Variants in VEGFC observed in about 807,000 individuals in gnomAD.
VEGFC encodes FLT4 ligand DHM.
A neutral mutation model predicts 46.1 loss-of-function variants in VEGFC; 12 were observed. The ratio of observed to expected loss-of-function variants is 0.26; its 90% confidence interval spans 0.17 to 0.42. The LOEUF (loss-of-function observed/expected upper bound fraction) is 0.42, where lower values mean the gene tolerates loss of function less well. Ranked by LOEUF, VEGFC falls within the 10% of genes least tolerant of loss-of-function variation. VEGFC has a pLI of 1.00. For synonymous variants in VEGFC, 232 were observed against 195.5 expected, an observed-to-expected ratio of 1.19 and a Z score of -1.56; for missense variants, 488 against 529.4, an observed-to-expected ratio of 0.92 and a Z score of 0.77.
chr4:176,779,966 T>G (rs914019592), intron 1 of VEGFC, among the ~76,000 whole-genome samples: 1 of 152,200 alleles, frequency 6.6e-6, no homozygotes, highest in Non-Finnish European at 1.5e-5. Flanking sequence ...GTTTAAGACA[T>G]CTTGGTCATA....
chr4:176,687,567 G>C, intron 5 of VEGFC, 47 bp from the exon 6 acceptor site: 1 of 1,464,428 alleles, frequency 6.8e-7, no homozygotes, highest in Non-Finnish European at 9.0e-7. Context: ...CTTGGTTCTG[G>C]GTGTGGCATG....
intron 4 of VEGFC, among the ~76,000 whole-genome samples, chr4:176,689,926 T>C (rs905824937): frequency 4.6e-5 from 7 of 152,240 alleles, no homozygotes; most frequent in African/African-American, 1.7e-4. Flanking sequence ...AGGTATCAAT[T>C]ATTTTGTAGG....
intron 1 of VEGFC, among the ~76,000 whole-genome samples, chr4:176,773,291 A>C (rs1735753090): frequency 6.6e-6 from 1 of 152,220 alleles, no homozygotes; most frequent in South Asian, 2.1e-4. Flanking sequence ...CTGGACATTG[A>C]TGATATGATG....
At chr4:176,719,826 C>A (rs543523190) in intron 3 of VEGFC, among the ~76,000 whole-genome samples, 1 of 151,972 alleles carries the variant, frequency 6.6e-6, no homozygotes, top group Non-Finnish European at 1.5e-5. Flanking sequence ...ATTGGGTGGC[C>A]GAGGCGAGTG....
At chr4:176,789,335 C>T (rs1219609046) in intron 1 of VEGFC, among the ~76,000 whole-genome samples, 3 of 152,232 alleles carry the variant, frequency 2.0e-5, no homozygotes, top group Non-Finnish European at 4.4e-5. Context: ...TAATTAACTG[C>T]TTTCTATGAA....
chr4:176,720,222 A>G (rs1245638558), intron 3 of VEGFC, among the ~76,000 whole-genome samples: 1 of 152,154 alleles, frequency 6.6e-6, no homozygotes, highest in Non-Finnish European at 1.5e-5. Flanking sequence ...CTTGTGATAC[A>G]TCAATACCCT....
At chr4:176,700,547 T>C (rs1734410023) in intron 4 of VEGFC, among the ~76,000 whole-genome samples, 1 of 152,200 alleles carries the variant, frequency 6.6e-6, no homozygotes, top group African/African-American at 2.4e-5. Context: ...CATTGTGTGG[T>C]CACCAACTGG....
chr4:176,720,011 A>T (rs1424976813), intron 3 of VEGFC, among the ~76,000 whole-genome samples: 2 of 151,956 alleles, frequency 1.3e-5, no homozygotes, highest in Non-Finnish European at 2.9e-5. Context: ...GTGAGCCAAG[A>T]TCACACCATT....
chr4:176,772,743 T>A (rs1735742936), intron 1 of VEGFC, among the ~76,000 whole-genome samples: 1 of 152,156 alleles, frequency 6.6e-6, no homozygotes, highest in Admixed American at 6.5e-5. Context: ...TTATATAAAG[T>A]TCCACCTGTT....
In VEGFC at chr4:176,714,797, G is replaced by T. The variant is rs546367734; in HGVS notation, c.553-3147C>A. Among the ~76,000 whole-genome samples, 4 of 152,258 alleles carry T rather than the reference G, an allele frequency of 2.6e-5. No homozygotes were observed. In the South Asian group the frequency reaches 8.3e-4, roughly 32 times the overall value. ...TAGGTAGATAATGTTCACAAATCAG[G>T]ATCCACCCATGGGTATCAAGCATGA... is the stretch of plus-strand genomic sequence containing the variant. On this transcript the variant is annotated intron_variant, in intron 3 of 6. Coordinates refer to ENST00000618562, the MANE Select transcript of VEGFC (RefSeq NM_005429.5).
chr4:176,725,441 C>A (rs1579107690), intron 3 of VEGFC, among the ~76,000 whole-genome samples: 2 of 152,068 alleles, frequency 1.3e-5, no homozygotes, highest in Non-Finnish European at 2.9e-5. Context: ...GCAGCTGAGA[C>A]CACAGGCGTG....
At chr4:176,707,297 T>G (rs770518815) in intron 4 of VEGFC, among the ~76,000 whole-genome samples, 6 of 152,228 alleles carry the variant, frequency 3.9e-5, no homozygotes, top group Non-Finnish European at 7.3e-5. Flanking sequence ...ACATAGGAGT[T>G]TTGGTTGCAC....
intron 3 of VEGFC, among the ~76,000 whole-genome samples, chr4:176,713,433 GACAT>G (rs1429804897): frequency 3.3e-5 from 5 of 152,002 alleles, no homozygotes; most frequent in Middle Eastern, 3.2e-3. Context: ...CACTACAGAA[GACAT>G]ACAAAGTGGT....
At chr4:176,776,353 T>G (rs1485412008) in intron 1 of VEGFC, among the ~76,000 whole-genome samples, 1 of 152,244 alleles carries the variant, frequency 6.6e-6, no homozygotes, top group Admixed American at 6.5e-5. Context: ...AGGGCAACAT[T>G]AGCTGCAAAG....
At chr4:176,788,678 G>A (rs1579145753) in intron 1 of VEGFC, among the ~76,000 whole-genome samples, 1 of 152,062 alleles carries the variant, frequency 6.6e-6, no homozygotes, top group Non-Finnish European at 1.5e-5. Flanking sequence ...CATATTATTA[G>A]CCCAGGAAAA....
chr4:176,780,764 G>A (rs1314499609), intron 1 of VEGFC, among the ~76,000 whole-genome samples: 1 of 152,148 alleles, frequency 6.6e-6, no homozygotes, highest in Non-Finnish European at 1.5e-5. Flanking sequence ...TCTTCTACGT[G>A]TGTCGTGTTA....
chr4:176,687,909 C>T lies in VEGFC; in HGVS notation c.723G>A (p.Lys241=). The part of the protein sequence containing the change: ...ATLPQCQAAN[K]TCPTNYMWNN... Reference sequence around the variant, plus strand: ...TCCACATGTAATTGGTGGGGCAGGTCTTGTTCGCTGCCTGACACCTTTGGA... The same window carrying T: ...TCCACATGTAATTGGTGGGGCAGGTTTTGTTCGCTGCCTGACACCTTTGGA... The change falls in exon 5 of 7, where the codon AAG becomes AAA. Residue 241 remains lysine (K), a synonymous_variant. Transcript: ENST00000618562. The T allele has an allele frequency of 6.2e-7, 1 of 1,612,812 alleles. No individual in the cohort carries two copies. Among genetic ancestry groups the T allele is most frequent in the Non-Finnish European group, 8.5e-7 (1 of 1,179,354 alleles).
At chr4:176,686,775 T>C (rs181861491) in intron 6 of VEGFC, among the ~76,000 whole-genome samples, 1 of 152,184 alleles carries the variant, frequency 6.6e-6, no homozygotes, top group Non-Finnish European at 1.5e-5. Context: ...CATTTCCAGA[T>C]ATAATTCTAT....
At chr4:176,694,594 C>T (rs868209978) in intron 4 of VEGFC, among the ~76,000 whole-genome samples, 4 of 151,830 alleles carry the variant, frequency 2.6e-5, no homozygotes, top group African/African-American at 9.7e-5. Flanking sequence ...AACAAGGATA[C>T]GCAGGAATTG....
Sources: allele counts gnomAD v4.1 joint callset (sites outside exome capture counted in the v4.1 genomes callset), GRCh38; gene constraint gnomAD v4.1.1; transcripts MANE v1.5; gene names NCBI Gene and HGNC (gene_info 2026-07-23, HGNC 2026-07-21).